Variants in LAMC3 observed in about 807,000 individuals in gnomAD.
LAMC3 encodes the protein laminin subunit gamma-3.
In LAMC3, 128 loss-of-function variants were observed where a neutral mutation model predicts 173.8. The ratio of observed to expected loss-of-function variants is 0.74; its 90% confidence interval spans 0.64 to 0.85. The LOEUF is 0.85. Ranked by LOEUF, LAMC3 falls within the 40% of genes least tolerant of loss-of-function variation. The pLI is 0.00. For synonymous variants in LAMC3, 897 were observed against 909.1 expected (o/e 0.99, Z 0.24); for missense variants, 2,022 against 2,156.0 (o/e 0.94, Z 1.23).
chr9:131,059,204 A>T (rs549685246), intron 12 of LAMC3, among the ~76,000 whole-genome samples: 2 of 149,514 alleles, frequency 1.3e-5, no homozygotes, highest in South Asian at 2.1e-4. Flanking sequence ...TCAAAAAAAT[A>T]AAAAAAGGCC....
At chr9:131,057,246 G>C in intron 12 of LAMC3, 99 bp downstream of exon 12, 1 of 1,049,724 alleles carries the variant, frequency 9.5e-7, no homozygotes, top group Non-Finnish European at 1.5e-6. Context: ...CAGGCATTGA[G>C]GTGTTGGCCA....
intron 4 of LAMC3, among the ~76,000 whole-genome samples, chr9:131,036,769 CAG>C (rs1444589143): frequency 6.6e-6 from 1 of 152,224 alleles, no homozygotes; most frequent in Non-Finnish European, 1.5e-5. Context: ...CACCTAACCT[CAG>C]AGAAGCGCTG....
intron 8 of LAMC3, among the ~76,000 whole-genome samples, chr9:131,046,516 G>GTTTTT (rs1443313320): frequency 2.6e-4 from 10 of 38,750 alleles, no homozygotes; most frequent in African/African-American, 7.4e-4. Context: ...GCTAATTTTT[G>GTTTTT]TATTTTTTTT....
At position 131,091,061 on chromosome 9, in the gene LAMC3, C is replaced by G. The variant is rs1035704755; in HGVS notation, c.4478-476C>G. On this transcript the variant is annotated intron_variant, in intron 27 of 27. Transcript: ENST00000361069. ...GCATCCATCCATCCATACATACATA[C>G]AAAAATTAGCTGGGCATGGTGGTGT... is the stretch of plus-strand genomic sequence containing the variant. Among the ~76,000 whole-genome samples the G allele has an allele frequency of 4.6e-5, 7 of 152,152 alleles. No individual in the cohort carries two copies. In the East Asian group the frequency reaches 1.3e-3, roughly 29 times the overall value.
chr9:131,074,244 G>T (rs559600163), intron 20 of LAMC3, among the ~76,000 whole-genome samples: 3 of 151,106 alleles, frequency 2.0e-5, no homozygotes, highest in African/African-American at 7.3e-5. Context: ...CACCGCGCCC[G>T]GCCAGCACAG....
At chr9:131,025,643 G>T (rs1479046341) in intron 1 of LAMC3, among the ~76,000 whole-genome samples, 1 of 152,166 alleles carries the variant, frequency 6.6e-6, no homozygotes, top group Non-Finnish European at 1.5e-5. Flanking sequence ...GAGGCCCCTG[G>T]CTGTGGCCAC....
chr9:131,056,130 A>T (rs542204935), intron 11 of LAMC3, among the ~76,000 whole-genome samples: 1 of 152,332 alleles, frequency 6.6e-6, no homozygotes, highest in South Asian at 2.1e-4. Flanking sequence ...CAGGAGTTCA[A>T]GGCTGCAGTG....
At chr9:131,047,707 A>G (rs919062214) in intron 8 of LAMC3, among the ~76,000 whole-genome samples, 1 of 151,168 alleles carries the variant, frequency 6.6e-6, no homozygotes, top group African/African-American at 2.4e-5. Flanking sequence ...TGCTAAAAAT[A>G]CAAAAATTAG....
At chr9:131,019,443 G>A (rs1352608974) in intron 1 of LAMC3, among the ~76,000 whole-genome samples, 1 of 152,202 alleles carries the variant, frequency 6.6e-6, no homozygotes, top group African/African-American at 2.4e-5. Flanking sequence ...CCTTCAAGGA[G>A]TTTATAATCC....
At chr9:131,047,617 C>CGGGGTG (rs1247494608) in intron 8 of LAMC3, among the ~76,000 whole-genome samples, 5 of 140,092 alleles carry the variant, frequency 3.6e-5, no homozygotes, top group African/African-American at 1.3e-4. Context: ...TCTGGGAGGC[C>CGGGGTG]GGGGTGGGGG....
chr9:131,033,762 C>A (rs983476983), intron 3 of LAMC3, among the ~76,000 whole-genome samples: 6 of 151,988 alleles, frequency 3.9e-5, no homozygotes, highest in African/African-American at 1.5e-4. Context: ...GGTCTGAACG[C>A]GACTGAGGAT....
Position 131,068,231 on chromosome 9 carries a change from G to A in LAMC3, c.2747G>A (p.Ser916Asn). ...FDLQPGRGCR[S>N]CKCHPLGSQE... The stretch of plus-strand genomic sequence containing the variant: ...CTCCAGCCTGGGAGGGGCTGCCGGA[G>A]GTAGGTAGGGTGAGACTGCCGGTGC... The change falls in exon 15 of 28, where the codon AGC becomes AAC. Residue 916 changes from serine (S) to asparagine (N), a missense_variant and splice_region_variant. Transcript: ENST00000361069. 1.2e-6 allele frequency: 2 copies of A among 1,608,670 alleles called. No homozygotes were observed. The highest frequency in any genetic ancestry group is 1.1e-5 in the South Asian group (1 of 91,032).
chr9:131,055,563 T>C (rs1223794233), intron 11 of LAMC3, among the ~76,000 whole-genome samples: 3 of 151,008 alleles, frequency 2.0e-5, no homozygotes, highest in Non-Finnish European at 4.4e-5. Context: ...TAGCTAGGAC[T>C]ACAGGCGCCC....
intron 1 of LAMC3, among the ~76,000 whole-genome samples, chr9:131,023,071 G>A (rs1411056538): frequency 1.3e-5 from 2 of 152,104 alleles, no homozygotes; most frequent in Non-Finnish European, 2.9e-5. Flanking sequence ...TAACGTTCTC[G>A]TGGTTCATTC....
At position 131,091,767 on chromosome 9, in the gene LAMC3, A is replaced by G; in HGVS notation, c.4708A>G (p.Asn1570Asp). The G allele has an allele frequency of 6.2e-7, 1 of 1,612,896 alleles. No individual in the cohort carries two copies. Among genetic ancestry groups the G allele is most frequent in the Non-Finnish European group, 8.5e-7 (1 of 1,179,974 alleles). ...LEAILHSLPE[N>D]CASWQ The stretch of plus-strand genomic sequence containing the variant: ...GGCCATTCTGCACAGCCTGCCCGAG[A>G]ACTGTGCCAGCTGGCAGTGAGGGCT... Residue 1570 changes from asparagine (N) to aspartate (D), a missense_variant, in exon 28 of 28, where the codon AAC becomes GAC. Physicochemically the swap from Asn to Asp is conservative, Grantham distance 23. Coordinates refer to ENST00000361069, the MANE Select transcript of LAMC3 (RefSeq NM_006059.4).
In LAMC3 at chr9:131,021,807, C is replaced by T. The variant is rs184933520; in HGVS notation, c.374-4478C>T. On this transcript the variant is annotated intron_variant, in intron 1 of 27. Transcript: ENST00000361069. Reference sequence around the variant, plus strand: ...GTTCAATCAATTCACTGGAGCAGCTCACAGAACTCAGGGTAACACATTGAC... The same window carrying T: ...GTTCAATCAATTCACTGGAGCAGCTTACAGAACTCAGGGTAACACATTGAC... Among the ~76,000 whole-genome samples the T allele has an allele frequency of 2.8e-3, 431 of 152,302 alleles. 7 individuals carry two copies. The highest frequency in any genetic ancestry group is 3.5e-3 in the East Asian group (18 of 5,190).
intron 16 of LAMC3, 131 bp downstream of exon 16, chr9:131,069,181 G>A: frequency 9.2e-7 from 1 of 1,087,724 alleles, no homozygotes; most frequent in Non-Finnish European, 1.4e-6. Flanking sequence ...CCCGAGAGCA[G>A]CCGGAAGCAT....
intron 27 of LAMC3, among the ~76,000 whole-genome samples, chr9:131,090,884 C>T (rs974130105): frequency 7.2e-5 from 11 of 151,922 alleles, no homozygotes; most frequent in Non-Finnish European, 1.2e-4. Context: ...AAAAAATTAG[C>T]GGAGCATGGT....
chr9:131,077,262 G>T lies in LAMC3; in HGVS notation c.3705G>T (p.Val1235=), dbSNP rs370917516. 1 of 1,613,916 alleles carries T rather than the reference G, an allele frequency of 6.2e-7. No homozygotes were observed. Among genetic ancestry groups the T allele is most frequent in the African/African-American group, 1.3e-5 (1 of 74,922 alleles). The change falls in exon 22 of 28, where the codon GTG becomes GTT. Residue 1235 remains valine (V), a synonymous_variant. Coordinates refer to ENST00000361069, the MANE Select transcript of LAMC3 (RefSeq NM_006059.4). ...VAEVLPEAES[V]LATVQQVGAD... The stretch of plus-strand genomic sequence containing the variant: ...AGGTGCTGCCTGAAGCGGAAAGCGT[G>T]TTGGCCACCGTGCAGCAAGTTGGCG...
Sources: allele counts gnomAD v4.1 joint callset (sites outside exome capture counted in the v4.1 genomes callset), GRCh38; gene constraint gnomAD v4.1.1; transcripts MANE v1.5; gene names NCBI Gene and HGNC (gene_info 2026-07-23, HGNC 2026-07-21).